The following MCF2L variants were observed in gnomAD, a reference collection of about 807,000 sequenced individuals.
MCF2L encodes the protein MCF.2 cell line derived transforming sequence like.
MCF2L carries 97 observed loss-of-function variants against 153.4 expected under a neutral mutation model. The observed-to-expected ratio is 0.63, with a 90% CI of 0.54 to 0.75. The LOEUF (loss-of-function observed/expected upper bound fraction) is 0.75. MCF2L is among the 30% of genes least tolerant of loss of function. The probability of loss-of-function intolerance (pLI) is 0.00; values close to 1 mark genes in which losing one functional copy is unlikely to be tolerated. For synonymous variants in MCF2L, 659 were observed against 632.2 expected, an observed-to-expected ratio of 1.04 and a Z score of -0.64; for missense variants, 1,347 against 1,495.2, an observed-to-expected ratio of 0.90 and a Z score of 1.64.
At chr13:112,994,333 G>T (rs1439670733) in intron 1 of MCF2L, among the ~76,000 whole-genome samples, 2 of 151,774 alleles carry the variant, frequency 1.3e-5, no homozygotes, top group Non-Finnish European at 2.9e-5. Context: ...GTCTGTGCCG[G>T]TGTCTCGGGC....
Position 113,045,191 on chromosome 13 carries a change from AAG to A in MCF2L, c.279-77_279-76del. On this transcript the variant is annotated intron_variant, in intron 3 of 29. Coordinates refer to ENST00000535094, the MANE Select transcript of MCF2L (RefSeq NM_001112732.3). The surrounding 1 kb of genome is among the most constrained non-coding windows in gnomAD (Gnocchi z 4.2). ...CATGAATATGGGGGATCGCTCTCCCAAGAGGTTTTCTGAGGGATTTCGTGGGC... is the reference window on the plus strand; with the variant it reads ...CATGAATATGGGGGATCGCTCTCCCAAGGTTTTCTGAGGGATTTCGTGGGC... The A allele has an allele frequency of 8.5e-7, 1 of 1,183,098 alleles. No individual in the cohort carries two copies. Among genetic ancestry groups the A allele is most frequent in the South Asian group, 1.2e-5 (1 of 82,540 alleles). 73.3% of individuals were successfully genotyped at this position (1,183,098 alleles called of 1,614,324 possible). A position where few individuals can be genotyped will look rare whatever the true frequency, so the allele number is the denominator to read the frequency against.
upstream of MCF2L, among the ~76,000 whole-genome samples, chr13:112,968,291 A>G (rs901186551): frequency 6.6e-6 from 1 of 152,210 alleles, no homozygotes; most frequent in Admixed American, 6.5e-5. Flanking sequence ...CATGTTACCT[A>G]TAATACCAAA....
At chr13:112,906,210 G>C (rs1214559534) in intron 2 of MCF2L, among the ~76,000 whole-genome samples, 1 of 152,200 alleles carries the variant, frequency 6.6e-6, no homozygotes, top group Non-Finnish European at 1.5e-5. Context: ...CAGTGACTCT[G>C]CGATTAACTG....
Position 113,096,833 on chromosome 13 carries a change from GC to G in MCF2L, c.3357del (p.Phe1120SerfsTer176). 1.3e-6 allele frequency: 2 copies of G among 1,520,390 alleles called. No individual in the cohort carries two copies. The highest frequency in any genetic ancestry group is 2.0e-5 in the Admixed American group (1 of 49,692). The allele number at this position is 1,520,390 out of a possible 1,614,324, so 94.2% of individuals were successfully genotyped here. A position where few individuals can be genotyped will look rare whatever the true frequency, so the allele number is the denominator to read the frequency against. On this transcript the variant is annotated frameshift_variant, in exon 30 of 30. Transcript: ENST00000535094. LOFTEE classifies it high-confidence loss of function. ...GTCCAGCTGCAGCGAGGGCGGCCAG[GC>G]CCCCTTCTCCGACCTGCAGGGGTAG... Reference protein sequence around the residue: ...NSSSCSEGGQAPFSDLQG With the variant: ...NSSSCSEGGQXPFSDLQG
chr13:112,950,990 A>G (rs2081686851), intron 2 of MCF2L, among the ~76,000 whole-genome samples: 1 of 152,258 alleles, frequency 6.6e-6, no homozygotes, highest in Admixed American at 6.5e-5. Context: ...TAGCTGATAA[A>G]GGATTAAGAA....
Position 112,969,370 on chromosome 13 carries a change from G to A in MCF2L, c.-10G>A. 1 of 1,550,182 alleles carries A rather than the reference G, an allele frequency of 6.5e-7. No individual in the cohort carries two copies. The highest frequency in any genetic ancestry group is 1.2e-5 in the South Asian group (1 of 84,046). On this transcript the variant is annotated 5_prime_UTR_variant, in exon 1 of 30. In the 5' UTR this introduces an upstream ATG that the reference lacks. Coordinates refer to ENST00000535094, the MANE Select transcript of MCF2L (RefSeq NM_001112732.3). The surrounding 1 kb of genome is among the most constrained non-coding windows in gnomAD (Gnocchi z 4.8). The stretch of plus-strand genomic sequence containing the variant: ...CGGATCTGCCAGGATCATTTTTGTT[G>A]TGTCGGAGGATGAGGTTTTGGCTGA...
rs372685348 is a variant in MCF2L, at chr13:112,993,526, C to T, written c.80-21237C>T. ...CTAGTCGTTCAGGCGTGGGATGAGG[C>T]TCCAGGATCGCAGCCACAGAAGTGG... On this transcript the variant is annotated intron_variant, in intron 1 of 29. Coordinates refer to ENST00000535094, the MANE Select transcript of MCF2L (RefSeq NM_001112732.3). This position sits in a 1 kb window ranked among gnomAD's most constrained non-coding sequence, Gnocchi z 4.6. Among the ~76,000 whole-genome samples, 79 of 152,148 alleles carry T rather than the reference C, an allele frequency of 5.2e-4. No individual in the cohort carries two copies. Among genetic ancestry groups the T allele is most frequent in the African/African-American group, 1.9e-3 (77 of 41,510 alleles).
At chr13:112,959,064 G>C (rs1219213477) in intron 2 of MCF2L, among the ~76,000 whole-genome samples, 1 of 152,226 alleles carries the variant, frequency 6.6e-6, no homozygotes, top group African/African-American at 2.4e-5. Flanking sequence ...CCAAATGCCT[G>C]GTAGTGGTAT....
chr13:113,030,786 C>T (rs972858254), intron 3 of MCF2L, among the ~76,000 whole-genome samples: 1 of 152,198 alleles, frequency 6.6e-6, no homozygotes, highest in African/African-American at 2.4e-5. Context: ...TAGAGACCAG[C>T]GACAAGCAGA....
chr13:112,975,154 C>T (rs776500827), intron 1 of MCF2L, among the ~76,000 whole-genome samples: 11 of 152,178 alleles, frequency 7.2e-5, no homozygotes, highest in South Asian at 2.1e-4. Context: ...GCATCTGTTA[C>T]GCCTTTTGGA....
chr13:113,047,847 T>C (rs1313272546), intron 4 of MCF2L, among the ~76,000 whole-genome samples: 37 of 68,812 alleles, frequency 5.4e-4, no homozygotes, highest in African/African-American at 1.8e-3. Context: ...CTGTCCCCTC[T>C]GCTCACGCCT....
At chr13:113,057,709 GTTTTGGCACTGT>G (rs2030406257) in intron 4 of MCF2L, among the ~76,000 whole-genome samples, 1 of 146,982 alleles carries the variant, frequency 6.8e-6, no homozygotes. Flanking sequence ...GGTGCTGAGT[GTTTTGGCACTGT>G]TTGGGTGCTG....
intron 26 of MCF2L, 22 bp from the exon 27 acceptor site, chr13:113,094,492 C>T (rs768659793): frequency 6.2e-7 from 1 of 1,601,346 alleles, no homozygotes; most frequent in South Asian, 1.1e-5. Context: ...GGGGGTCCCT[C>T]ACGGGTGTCT....
At chr13:112,964,417 C>G (rs1001075397), upstream of MCF2L, among the ~76,000 whole-genome samples, 124 of 152,340 alleles carry the variant, frequency 8.1e-4, no homozygotes, top group African/African-American at 2.8e-3. Context: ...CAGGGAACCC[C>G]TGCCAAGGAA....
chr13:113,066,973 G>A (rs747318856), intron 8 of MCF2L, among the ~76,000 whole-genome samples: 2 of 152,232 alleles, frequency 1.3e-5, no homozygotes, highest in Admixed American at 6.5e-5. Flanking sequence ...CAAGGGCCCC[G>A]GGGACTCGAC....
At chr13:112,931,465 G>A (rs1342900440) in intron 2 of MCF2L, among the ~76,000 whole-genome samples, 4 of 152,202 alleles carry the variant, frequency 2.6e-5, no homozygotes, top group Admixed American at 2.0e-4. Context: ...GGCTACACCC[G>A]TGTTGTAACA....
At chr13:113,048,803 C>T (rs2087007217) in intron 4 of MCF2L, among the ~76,000 whole-genome samples, 1 of 152,172 alleles carries the variant, frequency 6.6e-6, no homozygotes, top group African/African-American at 2.4e-5. Context: ...TTCTCTGTCC[C>T]AGGCACTGCC....
At chr13:113,050,965 G>A (rs943304567) in intron 4 of MCF2L, among the ~76,000 whole-genome samples, 3 of 152,074 alleles carry the variant, frequency 2.0e-5, no homozygotes, top group South Asian at 2.1e-4. Flanking sequence ...TCTCGGAAGA[G>A]GCGAGACCGT....
At chr13:112,989,988 C>T (rs866621347) in intron 1 of MCF2L, among the ~76,000 whole-genome samples, 14 of 152,274 alleles carry the variant, frequency 9.2e-5, no homozygotes, top group African/African-American at 2.6e-4. Flanking sequence ...ACCATAGGTT[C>T]GCTCCTAGGA....
Sources: gnomAD v4.1 joint callset for allele counts (sites outside exome capture counted in the v4.1 genomes callset) on GRCh38, gnomAD v4.1.1 for gene constraint, Gnocchi (gnomAD v3.1) non-coding constraint, MANE v1.5 for transcripts, NCBI Gene and HGNC (gene_info 2026-07-23, HGNC 2026-07-21) for gene names.